The following FGF12 variants were observed in gnomAD, a reference collection of about 807,000 sequenced individuals.
FGF12 encodes fibroblast growth factor 12B.
In FGF12, 14 loss-of-function variants were observed where a neutral mutation model predicts 23.6. That is an observed-to-expected ratio of 0.59 (90% confidence interval 0.39 to 0.93). The LOEUF (loss-of-function observed/expected upper bound fraction) is 0.93. FGF12 is among the 40% of genes least tolerant of loss of function. The pLI is 0.00. For missense variants in FGF12, 175 were observed against 217.8 expected, an observed-to-expected ratio of 0.80 and a Z score of 1.24; for synonymous variants, 62 against 77.3, an observed-to-expected ratio of 0.80 and a Z score of 1.04.
intron 2 of FGF12, among the ~76,000 whole-genome samples, chr3:192,485,073 T>A (rs150037139): frequency 0.015 from 2,200 of 150,026 alleles, 72 homozygotes; most frequent in African/African-American, 0.052. Context: ...TACACATAAA[T>A]TTTAAAATTT....
intron 2 of FGF12, chr3:192,726,803 C>CGT (rs1719230596): frequency 4.0e-6 from 1 of 251,904 alleles, no homozygotes; most frequent in South Asian, 1.1e-4. Flanking sequence ...CAGGTACAAA[C>CGT]GTGCCTGTCA....
chr3:192,165,175 G>C (rs572827652), intron 5 of FGF12, among the ~76,000 whole-genome samples: 1 of 152,038 alleles, frequency 6.6e-6, no homozygotes, highest in East Asian at 1.9e-4. Context: ...GGCTGGTCTT[G>C]AACTCCTGGC....
chr3:192,635,973 G>A (rs1344401818), intron 2 of FGF12, among the ~76,000 whole-genome samples: 1 of 152,080 alleles, frequency 6.6e-6, no homozygotes, highest in Non-Finnish European at 1.5e-5. Context: ...ATAGAAATCA[G>A]GTGTCTCTCT....
chr3:192,158,161 C>T (rs1043171140), intron 5 of FGF12, among the ~76,000 whole-genome samples: 3 of 152,108 alleles, frequency 2.0e-5, no homozygotes, highest in African/African-American at 7.2e-5. Context: ...GTACACAGCA[C>T]TTTCTGGAAT....
intron 2 of FGF12, among the ~76,000 whole-genome samples, chr3:192,539,105 C>A (rs961840237): frequency 2.0e-5 from 3 of 152,114 alleles, no homozygotes; most frequent in Non-Finnish European, 2.9e-5. Context: ...TTGACTTCAT[C>A]CTTTCCAGCG....
chr3:192,556,123 T>C (rs1459320006), intron 2 of FGF12, among the ~76,000 whole-genome samples: 8 of 151,960 alleles, frequency 5.3e-5, no homozygotes, highest in Admixed American at 2.6e-4. Flanking sequence ...GGCAACAGGA[T>C]AGACAGAAAA....
intron 4 of FGF12, among the ~76,000 whole-genome samples, chr3:192,308,354 A>C (rs974896465): frequency 2.6e-5 from 4 of 152,320 alleles, no homozygotes; most frequent in African/African-American, 7.2e-5. Flanking sequence ...ATGGCAAAAC[A>C]AACAAAATAT....
intron 2 of FGF12, among the ~76,000 whole-genome samples, chr3:192,612,774 C>T (rs193138078): frequency 4.8e-4 from 73 of 151,936 alleles, no homozygotes; most frequent in African/African-American, 1.7e-3. Context: ...AAAATAGGGA[C>T]ATTTAAGCCA....
chr3:192,335,328 C>G (rs1438376791), intron 4 of FGF12, 33 bp downstream of exon 4: 1 of 1,410,140 alleles, frequency 7.1e-7, no homozygotes. Flanking sequence ...AGTTCACACA[C>G]ATACACACAA....
rs796250940 is a variant in FGF12, at chr3:192,289,651, T to C, written c.228+45710A>G. Among the ~76,000 whole-genome samples, 5 of 152,154 alleles carry C rather than the reference T, an allele frequency of 3.3e-5. No individual in the cohort carries two copies. In the South Asian group the frequency reaches 6.2e-4, roughly 19 times the overall value. On this transcript the variant is annotated intron_variant, in intron 4 of 5. Coordinates refer to ENST00000445105, the MANE Select transcript of FGF12 (RefSeq NM_004113.6). ...TCGACTGCATCTCTTATTTTCATTATGTGGGAGAGTTAACCACTTTTAACT... is the reference window on the plus strand; with the variant it reads ...TCGACTGCATCTCTTATTTTCATTACGTGGGAGAGTTAACCACTTTTAACT...
intron 2 of FGF12, among the ~76,000 whole-genome samples, chr3:192,609,673 G>T (rs938388690): frequency 6.6e-6 from 1 of 152,066 alleles, no homozygotes; most frequent in Non-Finnish European, 1.5e-5. Flanking sequence ...CCGTAAAATA[G>T]TTGTTATGGC....
rs139859640 is a variant in FGF12 at position 192,339,550 on chromosome 3, T to C, written c.125-4086A>G. ...ACAGAGCTTTTTGCCATTTCCTAAG[T>C]TCCCCCTCGATCTTTAACTAGGCTG... On this transcript the variant is annotated intron_variant, in intron 3 of 5. Coordinates refer to ENST00000445105, the MANE Select transcript of FGF12 (RefSeq NM_004113.6). Among the ~76,000 whole-genome samples, 21 of 152,294 alleles carry C rather than the reference T, an allele frequency of 1.4e-4. No individual in the cohort carries two copies. The East Asian group carries it at 3.5e-3, about 25-fold the overall frequency.
At position 192,360,461 on chromosome 3, in the gene FGF12, T is replaced by A; in HGVS notation, c.91A>T (p.Ile31Phe). The part of the protein sequence containing the change: ...YFLQMHPDGT[I>F]DGTKDENSDY... ...CTGTTTTCGTCCTTGGTCCCATCAA[T>A]GGTACCATCTGGGTGCATCTGCAGG... Residue 31 changes from isoleucine (I) to phenylalanine (F), a missense_variant, in exon 3 of 6, where the codon ATT becomes TTT. By Grantham distance (21) the Ile-to-Phe change is conservative (BLOSUM62 0). Coordinates refer to ENST00000445105, the MANE Select transcript of FGF12 (RefSeq NM_004113.6). This position sits in a 1 kb window ranked among gnomAD's most constrained non-coding sequence, Gnocchi z 4.3. The A allele has an allele frequency of 6.2e-7, 1 of 1,613,826 alleles. No individual in the cohort carries two copies. Among genetic ancestry groups the A allele is most frequent in the Non-Finnish European group, 8.5e-7 (1 of 1,179,736 alleles).
At chr3:192,653,818 G>C (rs1317947160) in intron 2 of FGF12, among the ~76,000 whole-genome samples, 1 of 150,712 alleles carries the variant, frequency 6.6e-6, no homozygotes, top group Non-Finnish European at 1.5e-5. Flanking sequence ...CAGTTCAAGT[G>C]ATTCTCCTGC....
chr3:192,194,571 C>A (rs948603305), intron 4 of FGF12, among the ~76,000 whole-genome samples: 4 of 152,112 alleles, frequency 2.6e-5, no homozygotes, highest in Admixed American at 2.6e-4. Flanking sequence ...AGATGTTTGA[C>A]AACCTAAAAA....
At chr3:192,332,646 C>T (rs1156654114) in intron 4 of FGF12, among the ~76,000 whole-genome samples, 1 of 152,140 alleles carries the variant, frequency 6.6e-6, no homozygotes, top group East Asian at 1.9e-4. Flanking sequence ...GAATTACTTC[C>T]TATTAATTCC....
At chr3:192,660,475 C>T (rs1319470395) in intron 2 of FGF12, among the ~76,000 whole-genome samples, 3 of 148,682 alleles carry the variant, frequency 2.0e-5, no homozygotes, top group Admixed American at 1.4e-4. Context: ...CAAACCTGCA[C>T]GTTGTGCACA....
At chr3:192,147,111 A>G (rs1713770620) in intron 5 of FGF12, among the ~76,000 whole-genome samples, 1 of 152,238 alleles carries the variant, frequency 6.6e-6, no homozygotes, top group Non-Finnish European at 1.5e-5. Context: ...CCAAAATAAA[A>G]AGATGTTCAG....
chr3:192,623,260 T>C (rs1006468752), intron 2 of FGF12, among the ~76,000 whole-genome samples: 1 of 152,196 alleles, frequency 6.6e-6, no homozygotes, highest in African/African-American at 2.4e-5. Context: ...GGGGGTATCA[T>C]CTTTTTTCTG....
Sources: allele counts gnomAD v4.1 joint callset (sites outside exome capture counted in the v4.1 genomes callset), GRCh38; gene constraint gnomAD v4.1.1; non-coding constraint Gnocchi (gnomAD v3.1); transcripts MANE v1.5; gene names NCBI Gene and HGNC (gene_info 2026-07-23, HGNC 2026-07-21).